CD38: variants seen among roughly 807,000 people sequenced by gnomAD.
CD38 encodes the protein ADP-ribosyl cyclase/cyclic ADP-ribose hydrolase 1.
A neutral mutation model predicts 36.3 loss-of-function variants in CD38; 31 were observed. The ratio of observed to expected loss-of-function variants is 0.85; its 90% confidence interval spans 0.64 to 1.15. CD38 has a LOEUF of 1.15. Ranked by LOEUF, CD38 falls within the 50% of genes most tolerant of loss-of-function variation. CD38 has a pLI of 0.00. For synonymous variants in CD38, 131 were observed against 135.2 expected, an observed-to-expected ratio of 0.97 and a Z score of 0.22; for missense variants, 380 against 371.9, an observed-to-expected ratio of 1.02 and a Z score of -0.18.
chr4:15,830,130 A>T (rs546053098), intron 3 of CD38, among the ~76,000 whole-genome samples: 3 of 152,286 alleles, frequency 2.0e-5, no homozygotes, highest in Admixed American at 2.0e-4. Flanking sequence ...GCTGGATCAT[A>T]TAATAGCTCT....
Position 15,851,616 on chromosome 4 carries a change from GAC to G in CD38, c.*3026_*3027del, listed in dbSNP as rs145981347. The G allele has an allele frequency of 2.0e-5, 3 of 151,954 alleles. No individual in the cohort carries two copies. Among genetic ancestry groups the G allele is most frequent in the Non-Finnish European group, 4.4e-5 (3 of 67,936 alleles). The allele number at this position is 151,954 out of a possible 1,614,324, so 9.4% of individuals were successfully genotyped here. On this transcript the variant is annotated 3_prime_UTR_variant, in exon 8 of 8. Transcript: ENST00000226279. ...TGATTTCAGACTGAATACTTGAAAGGACACACACACACATACGTAAGTGCATA... is the reference window on the plus strand; with the variant it reads ...TGATTTCAGACTGAATACTTGAAAGGACACACACACATACGTAAGTGCATA...
At chr4:15,822,238 A>G (rs1320899216) in intron 2 of CD38, among the ~76,000 whole-genome samples, 1 of 152,188 alleles carries the variant, frequency 6.6e-6, no homozygotes, top group Non-Finnish European at 1.5e-5. Flanking sequence ...GCAATATCAT[A>G]CTGAGTGGGC....
At chr4:15,818,713 G>A (rs1231916447) in intron 2 of CD38, among the ~76,000 whole-genome samples, 1 of 152,140 alleles carries the variant, frequency 6.6e-6, no homozygotes, top group Admixed American at 6.5e-5. Flanking sequence ...TCAGGTGCGG[G>A]AGGAACCCAG....
intron 1 of CD38, among the ~76,000 whole-genome samples, chr4:15,793,079 T>C (rs1022030892): frequency 6.6e-6 from 1 of 152,156 alleles, no homozygotes; most frequent in African/African-American, 2.4e-5. Context: ...TTCCCTTTAT[T>C]ATCTGTTGAC....
chr4:15,804,787 G>C (rs988697521), intron 1 of CD38, among the ~76,000 whole-genome samples: 25 of 152,114 alleles, frequency 1.6e-4, no homozygotes, highest in African/African-American at 6.0e-4. Context: ...GACAGAGATT[G>C]ATCAATGAAT....
At chr4:15,803,641 C>T (rs529062904) in intron 1 of CD38, among the ~76,000 whole-genome samples, 38 of 152,214 alleles carry the variant, frequency 2.5e-4, no homozygotes, top group African/African-American at 9.1e-4. Flanking sequence ...AGCAAGAATG[C>T]AGATAAAAGG....
rs1396932043 is a variant in CD38, at chr4:15,791,785, C to T, written c.233+13138C>T. 8.8e-5 allele frequency among the ~76,000 whole-genome samples: 7 copies of T among 79,142 alleles called. 1 individual carries two copies. Among genetic ancestry groups the T allele is most frequent in the South Asian group, 3.8e-4 (1 of 2,626 alleles). 51.9% of individuals were successfully genotyped at this position (79,142 alleles called of 152,430 possible). A position where few individuals can be genotyped will look rare whatever the true frequency, so the allele number is the denominator to read the frequency against. On this transcript the variant is annotated intron_variant, in intron 1 of 7. Coordinates refer to ENST00000226279, the MANE Select transcript of CD38 (RefSeq NM_001775.4). Reference sequence around the variant, plus strand: ...GATCCCTCTGCCCGGCCAGCCGCCCCGTCCGGGAGGGAGGTGGGAGGGTCA... The same window carrying T: ...GATCCCTCTGCCCGGCCAGCCGCCCTGTCCGGGAGGGAGGTGGGAGGGTCA...
intron 1 of CD38, among the ~76,000 whole-genome samples, chr4:15,790,103 C>T (rs1029800250): frequency 6.6e-4 from 89 of 135,750 alleles, no homozygotes; most frequent in African/African-American, 2.4e-3. Flanking sequence ...AGCAGCAAGC[C>T]GCTCTCCCTC....
intron 1 of CD38, among the ~76,000 whole-genome samples, chr4:15,811,026 G>T (rs1328713106): frequency 6.6e-6 from 1 of 152,130 alleles, no homozygotes; most frequent in African/African-American, 2.4e-5. Flanking sequence ...AGTGACTAAT[G>T]ATGTTGAGCA....
intron 1 of CD38, among the ~76,000 whole-genome samples, chr4:15,801,275 A>C (rs1171106842): frequency 1.3e-5 from 2 of 152,074 alleles, no homozygotes; most frequent in Non-Finnish European, 2.9e-5. Flanking sequence ...GAACCTCAAT[A>C]ATAATTTTTA....
In CD38 at chr4:15,778,523, G is replaced by GT; in HGVS notation, c.110dup (p.Val38GlyfsTer35). 1.2e-6 allele frequency: 2 copies of GT among 1,613,698 alleles called. No homozygotes were observed. Among genetic ancestry groups the GT allele is most frequent in the Non-Finnish European group, 1.7e-6 (2 of 1,180,002 alleles). ...CAGTATCCTGGTCCTGATCCTCGTC[G>GT]TGGTGCTCGCGGTGGTCGTCCCGAG... is the stretch of plus-strand genomic sequence containing the variant. On this transcript the variant is annotated frameshift_variant, in exon 1 of 8. Coordinates refer to ENST00000226279, the MANE Select transcript of CD38 (RefSeq NM_001775.4). LOFTEE classifies it high-confidence loss of function. This position sits in a 1 kb window ranked among gnomAD's most constrained non-coding sequence, Gnocchi z 4.9.
chr4:15,827,303 C>A (rs547406450), intron 3 of CD38, among the ~76,000 whole-genome samples: 1 of 152,102 alleles, frequency 6.6e-6, no homozygotes, highest in Non-Finnish European at 1.5e-5. Context: ...GGACTTTACA[C>A]GGTGTTTATG....
chr4:15,810,728 T>C (rs1238804240), intron 1 of CD38, among the ~76,000 whole-genome samples: 1 of 152,226 alleles, frequency 6.6e-6, no homozygotes, highest in African/African-American at 2.4e-5. Flanking sequence ...GCACAGATAT[T>C]GGAAAGAAAC....
chr4:15,778,655 G>A lies in CD38; in HGVS notation c.233+8G>A, dbSNP rs1722613847. The A allele has an allele frequency of 6.3e-7, 1 of 1,580,584 alleles. No homozygotes were observed. Among genetic ancestry groups the A allele is most frequent in the African/African-American group, 1.3e-5 (1 of 74,282 alleles). Reference sequence around the variant, plus strand: ...AATTCATCCTGAGATGAGGTGGGTTGGCGACTAAGGCGCACCGGTGGGCAC... The same window carrying A: ...AATTCATCCTGAGATGAGGTGGGTTAGCGACTAAGGCGCACCGGTGGGCAC... On this transcript the variant is annotated splice_region_variant and intron_variant, in intron 1 of 7. Coordinates refer to ENST00000226279, the MANE Select transcript of CD38 (RefSeq NM_001775.4). The surrounding 1 kb of genome is among the most constrained non-coding windows in gnomAD (Gnocchi z 4.9).
chr4:15,848,042 T>G (rs556973109), intron 7 of CD38, among the ~76,000 whole-genome samples: 30 of 152,322 alleles, frequency 2.0e-4, no homozygotes, highest in Non-Finnish European at 3.1e-4. Context: ...GGCTCATATT[T>G]AGCAAAATCA....
intron 3 of CD38, chr4:15,825,365 CA>C (rs1482983204): frequency 8.1e-6 from 2 of 246,880 alleles, no homozygotes; most frequent in Non-Finnish European, 1.6e-5. Context: ...AAGGAGAGGT[CA>C]GGGGAGGTGC....
chr4:15,807,653 A>G (rs917729290), intron 1 of CD38, among the ~76,000 whole-genome samples: 4 of 152,212 alleles, frequency 2.6e-5, no homozygotes, highest in African/African-American at 9.7e-5. Flanking sequence ...GACTGGGATC[A>G]CTTTACTCAA....
At chr4:15,820,589 A>G (rs1723712038) in intron 2 of CD38, among the ~76,000 whole-genome samples, 1 of 152,188 alleles carries the variant, frequency 6.6e-6, no homozygotes, top group Admixed American at 6.5e-5. Flanking sequence ...AAAAAGAAAA[A>G]GAAGGGTATT....
At position 15,853,151 on chromosome 4, in the gene CD38, T is replaced by A. The variant is rs568868881; in HGVS notation, c.*4549T>A. 6.6e-6 allele frequency: 1 copy of A among 152,324 alleles called. No homozygotes were observed. The highest frequency in any genetic ancestry group is 1.9e-4 in the East Asian group (1 of 5,190). 9.4% of individuals were successfully genotyped at this position (152,324 alleles called of 1,614,324 possible). A position where few individuals can be genotyped will look rare whatever the true frequency, so the allele number is the denominator to read the frequency against. ...CAGGTGATGCATTGGGCGAGTTTATTAACATCTGTGACTCTCTAGTTTGAA... is the reference window on the plus strand; with the variant it reads ...CAGGTGATGCATTGGGCGAGTTTATAAACATCTGTGACTCTCTAGTTTGAA... On this transcript the variant is annotated 3_prime_UTR_variant, in exon 8 of 8. Coordinates refer to ENST00000226279, the MANE Select transcript of CD38 (RefSeq NM_001775.4).
Sources: allele counts gnomAD v4.1 joint callset (sites outside exome capture counted in the v4.1 genomes callset), GRCh38; gene constraint gnomAD v4.1.1; non-coding constraint Gnocchi (gnomAD v3.1); transcripts MANE v1.5; gene names NCBI Gene and HGNC (gene_info 2026-07-23, HGNC 2026-07-21).